Variants in TMEM117 observed in about 807,000 individuals in gnomAD.
TMEM117 encodes transmembrane protein 117.
A neutral mutation model predicts 52.4 loss-of-function variants in TMEM117; 27 were observed. The observed-to-expected ratio is 0.51, with a 90% confidence interval of 0.38 to 0.71. The LOEUF (loss-of-function observed/expected upper bound fraction) is 0.71, where lower values mean the gene tolerates loss of function less well. TMEM117 is among the 30% of genes least tolerant of loss of function. The probability of loss-of-function intolerance (pLI) is 0.00; values close to 1 mark genes in which losing one functional copy is unlikely to be tolerated. For synonymous variants in TMEM117, 215 were observed against 206.3 expected, an observed-to-expected ratio of 1.04 and a Z score of -0.36; for missense variants, 556 against 630.5, an observed-to-expected ratio of 0.88 and a Z score of 1.26.
intron 3 of TMEM117, among the ~76,000 whole-genome samples, chr12:43,954,526 C>T (rs1945276364): frequency 6.6e-6 from 1 of 152,116 alleles, no homozygotes; most frequent in Non-Finnish European, 1.5e-5. Flanking sequence ...CAACTCTATG[C>T]ACATAAACTG....
At chr12:44,244,771 C>G (rs868168371) in intron 5 of TMEM117, among the ~76,000 whole-genome samples, 1 of 151,924 alleles carries the variant, frequency 6.6e-6, no homozygotes, top group African/African-American at 2.4e-5. Context: ...ATTGCCCAGA[C>G]CAATGTCATG....
At chr12:44,396,947 T>C in the TMEM117 span, among the ~76,000 whole-genome samples, 2 of 152,168 alleles carry the variant, frequency 1.3e-5, no homozygotes, top group Admixed American at 1.3e-4. Context: ...GAGGACTCCA[T>C]GACTCTGCCA....
intron 5 of TMEM117, among the ~76,000 whole-genome samples, chr12:44,218,676 A>G (rs937609166): frequency 2.6e-5 from 4 of 152,216 alleles, no homozygotes; most frequent in Non-Finnish European, 5.9e-5. Context: ...GCACCCAGAC[A>G]TAGAAAGACA....
chr12:44,160,353 A>G (rs1948882863), intron 4 of TMEM117, among the ~76,000 whole-genome samples: 1 of 152,152 alleles, frequency 6.6e-6, no homozygotes. Context: ...TACCATTTTA[A>G]AAGATAAGTG....
At chr12:44,272,066 C>A (rs751654312) in intron 5 of TMEM117, among the ~76,000 whole-genome samples, 2 of 151,860 alleles carry the variant, frequency 1.3e-5, no homozygotes, top group South Asian at 2.1e-4. Flanking sequence ...TGGCTGCAAT[C>A]AAAAAGATGA....
chr12:43,922,633 C>T (rs1443489703), intron 2 of TMEM117, among the ~76,000 whole-genome samples: 1 of 152,116 alleles, frequency 6.6e-6, no homozygotes, highest in East Asian at 1.9e-4. Context: ...TTATAGTTTG[C>T]TAACTTTACA....
intron 4 of TMEM117, among the ~76,000 whole-genome samples, chr12:44,184,257 A>T (rs1408420429): frequency 6.6e-6 from 1 of 152,166 alleles, no homozygotes; most frequent in Non-Finnish European, 1.5e-5. Flanking sequence ...GAGGCAGGAG[A>T]ATGACTTGAA....
At chr12:44,077,831 T>C (rs999871040) in intron 3 of TMEM117, among the ~76,000 whole-genome samples, 12 of 152,204 alleles carry the variant, frequency 7.9e-5, no homozygotes, top group African/African-American at 2.9e-4. Context: ...TTATTCCTTT[T>C]GCTGACAGTT....
chr12:43,977,544 G>A (rs1187750344), intron 3 of TMEM117, among the ~76,000 whole-genome samples: 5 of 152,098 alleles, frequency 3.3e-5, no homozygotes, highest in African/African-American at 1.2e-4. Context: ...TTAGCAAAGT[G>A]CTTTTCTATA....
intron 3 of TMEM117, among the ~76,000 whole-genome samples, chr12:44,098,741 A>AAACAAG (rs1472797885): frequency 6.6e-6 from 1 of 152,096 alleles, no homozygotes; most frequent in Admixed American, 6.6e-5. Flanking sequence ...TGACACTCAA[A>AAACAAG]ATCTGTGTTA....
chr12:43,991,209 T>C (rs1945932597), intron 3 of TMEM117, among the ~76,000 whole-genome samples: 1 of 152,190 alleles, frequency 6.6e-6, no homozygotes, highest in African/African-American at 2.4e-5. Flanking sequence ...GATCAAGTCA[T>C]GCATCCTTTA....
intron 6 of TMEM117, among the ~76,000 whole-genome samples, chr12:44,321,071 A>G (rs1951123398): frequency 6.6e-6 from 1 of 152,220 alleles, no homozygotes; most frequent in African/African-American, 2.4e-5. Context: ...GCTATTTTTA[A>G]GATAAATTTT....
chr12:44,290,432 G>T (rs775076746), intron 5 of TMEM117, among the ~76,000 whole-genome samples: 1 of 152,068 alleles, frequency 6.6e-6, no homozygotes, highest in Non-Finnish European at 1.5e-5. Flanking sequence ...TCTTTTGTAT[G>T]TGGATATTCA....
intron 2 of TMEM117, among the ~76,000 whole-genome samples, chr12:43,854,863 C>T (rs1457346237): frequency 1.3e-5 from 2 of 152,148 alleles, no homozygotes; most frequent in Non-Finnish European, 2.9e-5. Context: ...TCTCGAACTC[C>T]TGACTTCAGG....
chr12:44,284,810 A>T (rs1042422497), intron 5 of TMEM117, among the ~76,000 whole-genome samples: 2 of 151,960 alleles, frequency 1.3e-5, no homozygotes, highest in African/African-American at 4.8e-5. Flanking sequence ...TCTACTAGGT[A>T]TTTTTTTTCT....
intron 2 of TMEM117, among the ~76,000 whole-genome samples, chr12:43,865,252 G>A (rs188416769): frequency 2.0e-5 from 3 of 152,240 alleles, no homozygotes; most frequent in Non-Finnish European, 4.4e-5. Flanking sequence ...GACAGAGTTT[G>A]GGGTTTGAGT....
At chr12:44,085,972 G>A (rs1947559403) in intron 3 of TMEM117, among the ~76,000 whole-genome samples, 1 of 151,972 alleles carries the variant, frequency 6.6e-6, no homozygotes, top group Admixed American at 6.6e-5. Flanking sequence ...AGAGAGAGAG[G>A]GAAGGATACA....
intron 6 of TMEM117, among the ~76,000 whole-genome samples, chr12:44,305,322 A>G (rs1465147922): frequency 6.6e-6 from 1 of 152,234 alleles, no homozygotes; most frequent in Non-Finnish European, 1.5e-5. Flanking sequence ...TAATTAAACA[A>G]AAGAGCTTTT....
intron 6 of TMEM117, among the ~76,000 whole-genome samples, chr12:44,360,101 T>C (rs985578428): frequency 6.6e-6 from 1 of 152,192 alleles, no homozygotes; most frequent in Non-Finnish European, 1.5e-5. Flanking sequence ...AAATGTTCTA[T>C]GAAAATAATT....
Sources: allele counts gnomAD v4.1 joint callset (sites outside exome capture counted in the v4.1 genomes callset), GRCh38; gene constraint gnomAD v4.1.1; transcripts MANE v1.5; gene names NCBI Gene and HGNC (gene_info 2026-07-23, HGNC 2026-07-21).